The following PPIP5K2 variants were observed in gnomAD, a reference collection of about 807,000 sequenced individuals.
The protein encoded by PPIP5K2 is diphosphoinositol pentakisphosphate kinase 2.
In PPIP5K2, 105 loss-of-function variants were observed where a neutral mutation model predicts 154.6. The ratio of observed to expected loss-of-function variants is 0.68; its 90% CI spans 0.58 to 0.80. The LOEUF is 0.80. Among genes scored for constraint, PPIP5K2 ranks in the 30% least tolerant of loss-of-function variants. The pLI, the probability that PPIP5K2 is intolerant of heterozygous loss-of-function variation, is 0.00. For synonymous variants in PPIP5K2, 480 were observed against 490.3 expected (o/e 0.98, Z 0.28); for missense variants, 992 against 1,504.6 (o/e 0.66, Z 5.64).
intron 19 of PPIP5K2, among the ~76,000 whole-genome samples, chr5:103,170,145 C>T (rs1366170958): frequency 6.6e-6 from 1 of 151,588 alleles, no homozygotes; most frequent in African/African-American, 2.4e-5. Flanking sequence ...GGTCATTTCT[C>T]CTCCTTACAT....
intron 1 of PPIP5K2, among the ~76,000 whole-genome samples, chr5:103,124,474 A>G (rs1429092451): frequency 6.6e-6 from 1 of 152,088 alleles, no homozygotes; most frequent in Admixed American, 6.5e-5. Context: ...TTTGACTTCC[A>G]TTTGCAACCC....
intron 29 of PPIP5K2, among the ~76,000 whole-genome samples, chr5:103,191,345 C>A (rs1162946251): frequency 6.6e-6 from 1 of 152,026 alleles, no homozygotes; most frequent in Non-Finnish European, 1.5e-5. Flanking sequence ...TATCAGTCCA[C>A]ATTAACCCAT....
At chr5:103,121,040 T>C (rs1007225801) in intron 1 of PPIP5K2, among the ~76,000 whole-genome samples, 53 of 151,980 alleles carry the variant, frequency 3.5e-4, no homozygotes, top group African/African-American at 1.3e-3. Context: ...GGGGCCAGGG[T>C]GATGATCCCT....
At chr5:103,125,376 A>T (rs1789474901) in intron 1 of PPIP5K2, among the ~76,000 whole-genome samples, 1 of 152,162 alleles carries the variant, frequency 6.6e-6, no homozygotes, top group South Asian at 2.1e-4. Context: ...CTTGCTCAAG[A>T]TCAGCTAATT....
At chr5:103,154,327 C>A (rs1242370320) in intron 11 of PPIP5K2, among the ~76,000 whole-genome samples, 1 of 151,874 alleles carries the variant, frequency 6.6e-6, no homozygotes, top group Admixed American at 6.6e-5. Flanking sequence ...TTTGAAAACC[C>A]TGAGCCATTA....
chr5:103,182,226 C>T (rs1799653990), intron 24 of PPIP5K2, among the ~76,000 whole-genome samples: 1 of 152,128 alleles, frequency 6.6e-6, no homozygotes, highest in South Asian at 2.1e-4. Context: ...TCCAAAAAGC[C>T]TATATAACAC....
At chr5:103,133,264 T>C (rs1215725632) in intron 2 of PPIP5K2, among the ~76,000 whole-genome samples, 189 bp from the exon 3 acceptor site, 1 of 152,202 alleles carries the variant, frequency 6.6e-6, no homozygotes, top group East Asian at 1.9e-4. Context: ...TTCCAGACTT[T>C]TGTAGAAAAC....
At chr5:103,138,602 C>A in intron 5 of PPIP5K2, 133 bp downstream of exon 5, 1 of 499,944 alleles carries the variant, frequency 2.0e-6, no homozygotes, top group South Asian at 3.8e-5. Flanking sequence ...ATAATCTAAA[C>A]AGACAAACAT....
intron 29 of PPIP5K2, among the ~76,000 whole-genome samples, chr5:103,191,675 T>C (rs1441167206): frequency 6.6e-5 from 10 of 152,094 alleles, no homozygotes; most frequent in Non-Finnish European, 2.9e-5. Flanking sequence ...TTAAATATCA[T>C]GTGGCTCTAT....
intron 23 of PPIP5K2, 116 bp downstream of exon 23, chr5:103,178,096 G>A (rs1222659764): frequency 1.8e-4 from 128 of 725,948 alleles, no homozygotes; most frequent in Non-Finnish European, 9.2e-6. Flanking sequence ...TTCTAAGCAG[G>A]AAAATGGTTT....
At chr5:103,127,204 G>A (rs1371787664) in intron 1 of PPIP5K2, among the ~76,000 whole-genome samples, 1 of 152,132 alleles carries the variant, frequency 6.6e-6, no homozygotes, top group Non-Finnish European at 1.5e-5. Flanking sequence ...GTCATAAAAT[G>A]TGTGTATACA....
intron 28 of PPIP5K2, chr5:103,189,061 A>T: frequency 1.4e-6 from 1 of 735,402 alleles, no homozygotes; most frequent in Non-Finnish European, 2.1e-6. Context: ...TTCCATCTTT[A>T]ACACATATCA....
intron 24 of PPIP5K2, among the ~76,000 whole-genome samples, chr5:103,181,551 A>G (rs1385882210): frequency 2.6e-5 from 4 of 152,024 alleles, no homozygotes; most frequent in Non-Finnish European, 5.9e-5. Flanking sequence ...CAGCCTGGGC[A>G]ACAGAGCGAG....
At chr5:103,191,788 T>C (rs1801281161) in intron 29 of PPIP5K2, among the ~76,000 whole-genome samples, 1 of 152,068 alleles carries the variant, frequency 6.6e-6, no homozygotes, top group African/African-American at 2.4e-5. Context: ...CTCAGTACTT[T>C]GGAAATTCCA....
intron 19 of PPIP5K2, among the ~76,000 whole-genome samples, chr5:103,169,060 A>G (rs1554218811): frequency 6.6e-6 from 1 of 151,896 alleles, no homozygotes. Context: ...AGATATATGT[A>G]GTTGTTCTTT....
intron 2 of PPIP5K2, 117 bp downstream of exon 2, chr5:103,129,820 T>C (rs1450615511): frequency 7.8e-7 from 1 of 1,285,856 alleles, no homozygotes; most frequent in African/African-American, 1.5e-5. Flanking sequence ...ATATTTTGTT[T>C]CATGACTGAT....
In PPIP5K2 at chr5:103,201,846, C is replaced by A. The variant is rs563564129; in HGVS notation, c.*212C>A. ...CAGCAAAACTTATAGTGATAAAAAT[C>A]GATTGTTGTTAATATGATGTTTACC... On this transcript the variant is annotated 3_prime_UTR_variant, in exon 31 of 31. Coordinates refer to ENST00000358359, the MANE Select transcript of PPIP5K2 (RefSeq NM_001276277.3). The A allele has an allele frequency of 6.2e-6, 3 of 484,900 alleles. No individual in the cohort carries two copies. The allele number at this position is 484,900 out of a possible 1,614,324, so 30.0% of individuals were successfully genotyped here.
intron 17 of PPIP5K2, among the ~76,000 whole-genome samples, chr5:103,160,365 C>A (rs986525268): frequency 1.3e-5 from 2 of 152,104 alleles, no homozygotes; most frequent in Admixed American, 6.5e-5. Flanking sequence ...AATGGCTCTA[C>A]AGTATTAATT....
At chr5:103,181,558 C>T (rs1016911825) in intron 24 of PPIP5K2, among the ~76,000 whole-genome samples, 54 of 151,540 alleles carry the variant, frequency 3.6e-4, no homozygotes, top group African/African-American at 1.3e-3. Flanking sequence ...GGCAACAGAG[C>T]GAGATTCTGT....
Sources: allele counts gnomAD v4.1 joint callset (sites outside exome capture counted in the v4.1 genomes callset), GRCh38; gene constraint gnomAD v4.1.1; transcripts MANE v1.5; gene names NCBI Gene and HGNC (gene_info 2026-07-23, HGNC 2026-07-21).